Variants in USP2 observed in about 807,000 individuals in gnomAD.
USP2 encodes the protein ubiquitin specific peptidase 2.
Under a neutral mutation model 72.0 loss-of-function variants are expected in USP2, and 33 were observed. The ratio of observed to expected loss-of-function variants is 0.46; its 90% CI spans 0.35 to 0.61. The LOEUF is 0.61. Among genes scored for constraint, USP2 ranks in the 20% least tolerant of loss-of-function variants. The pLI is 0.01. For missense variants in USP2, 691 were observed against 797.8 expected (o/e 0.87, Z 1.61); for synonymous variants, 296 against 312.5 (o/e 0.95, Z 0.56).
intron 2 of USP2, chr11:119,364,271 C>A (rs994340989): frequency 2.4e-6 from 2 of 816,348 alleles, no homozygotes; most frequent in African/African-American, 3.7e-5. Context: ...AGGCCCTAAG[C>A]CCCGCCCCAC....
intron 12 of USP2, 104 bp downstream of exon 12, chr11:119,357,083 G>A (rs1193091895): frequency 8.5e-7 from 1 of 1,173,308 alleles, no homozygotes; most frequent in African/African-American, 1.7e-5. Context: ...CTCGGTGTAA[G>A]CCGTGCGGGG....
chr11:119,377,682 C>T (rs1164570882), intron 1 of USP2, among the ~76,000 whole-genome samples: 1 of 152,170 alleles, frequency 6.6e-6, no homozygotes, highest in East Asian at 1.9e-4. Context: ...TTGGCCCACT[C>T]CTCAAGGTAC....
In USP2 at chr11:119,357,285, G is replaced by A. The variant is rs781613385; in HGVS notation, c.1632C>T (p.Tyr544=). 119 of 1,613,348 alleles carry A rather than the reference G, an allele frequency of 7.4e-5. 1 individual carries two copies. Among genetic ancestry groups the A allele is most frequent in the Non-Finnish European group, 9.2e-5 (109 of 1,179,902 alleles). Residue 544 remains tyrosine, a synonymous_variant, in exon 12 of 13, where the codon TAC becomes TAT. Transcript: ENST00000260187. ...TGGTTCCGGAGTGATTGGACACAGCGTACAGGTTGTAAACAGCATGGTCTG... is the reference window on the plus strand; with the variant it reads ...TGGTTCCGGAGTGATTGGACACAGCATACAGGTTGTAAACAGCATGGTCTG... The part of the protein sequence containing the change: ...ENTNHAVYNL[Y]AVSNHSGTTM...
At chr11:119,372,315 C>T (rs1950937708) in intron 2 of USP2, among the ~76,000 whole-genome samples, 1 of 152,228 alleles carries the variant, frequency 6.6e-6, no homozygotes, top group Non-Finnish European at 1.5e-5. Flanking sequence ...AGCAAGGAGG[C>T]CCTCCTGCCA....
chr11:119,361,696 TCC>T (rs967363829), intron 2 of USP2, among the ~76,000 whole-genome samples: 7 of 151,958 alleles, frequency 4.6e-5, no homozygotes, highest in Admixed American at 2.6e-4. Context: ...AGTAAGAGGA[TCC>T]CTTCTTGGCC....
chr11:119,357,362 C>G (rs971460534), intron 11 of USP2, 55 bp from the exon 12 acceptor site: 185 of 1,610,518 alleles, frequency 1.1e-4, no homozygotes, highest in Non-Finnish European at 1.5e-4. Context: ...GACTTCCCCC[C>G]TCCAACCTCT....
Position 119,360,190 on chromosome 11 carries a change from C to G in USP2, c.819G>C (p.Gly273=). ...AQGLAGLRNL[G]NTCFMNSILQ... is the part of the protein sequence containing the mutation. ...CAGGCCAGGAAAAACTCACCGTGTT[C>G]CCAAGGTTTCGAAGACCAGCCAGAC... The change falls in exon 3 of 13, where the codon GGG becomes GGC. Residue 273 remains glycine, a synonymous_variant. Coordinates refer to ENST00000260187, the MANE Select transcript of USP2 (RefSeq NM_004205.5). 6.2e-7 allele frequency: 1 copy of G among 1,613,710 alleles called. No individual in the cohort carries two copies. The highest frequency in any genetic ancestry group is 8.5e-7 in the Non-Finnish European group (1 of 1,179,940).
rs532485657 is a variant in USP2, at chr11:119,364,234, C to T, written c.775-4000G>A. 8.2e-4 allele frequency: 888 copies of T among 1,077,098 alleles called. 2 individuals are homozygous for T. The African/African-American group carries it at 0.012, about 15-fold the overall frequency. 66.7% of individuals were successfully genotyped at this position (1,077,098 alleles called of 1,614,324 possible). On this transcript the variant is annotated intron_variant, in intron 2 of 12. Transcript: ENST00000260187. ...GGCGGCCCCGCCGGCGCCTCGGGCC[C>T]CGCGACGTCAGCGCTGGGGCGGGGC...
intron 1 of USP2, among the ~76,000 whole-genome samples, chr11:119,379,960 G>C (rs1452055508): frequency 8.4e-6 from 1 of 119,378 alleles, no homozygotes; most frequent in East Asian, 2.6e-4. Context: ...CGTCGCCCAG[G>C]CTGCAGTGCA....
At chr11:119,364,773 A>C (rs1950829228) in intron 2 of USP2, among the ~76,000 whole-genome samples, 1 of 152,192 alleles carries the variant, frequency 6.6e-6, no homozygotes, top group African/African-American at 2.4e-5. Context: ...TGCCCTCCTC[A>C]AAACAGTCCT....
intron 2 of USP2, chr11:119,364,043 G>A: frequency 8.0e-7 from 1 of 1,257,150 alleles, no homozygotes; most frequent in Non-Finnish European, 1.0e-6. Flanking sequence ...CGTTGGCAGC[G>A]GGGGCGCGGG....
At chr11:119,370,080 C>A (rs985237695) in intron 2 of USP2, among the ~76,000 whole-genome samples, 1 of 152,138 alleles carries the variant, frequency 6.6e-6, no homozygotes, top group Non-Finnish European at 1.5e-5. Context: ...GAGGCTGACA[C>A]AGGAGAATCA....
At position 119,365,786 on chromosome 11, in the gene USP2, A is replaced by G. The variant is rs78379608; in HGVS notation, c.775-5552T>C. 9.5e-3 allele frequency among the ~76,000 whole-genome samples: 1,447 copies of G among 152,298 alleles called. 20 individuals are homozygous for G. Among genetic ancestry groups the G allele is most frequent in the African/African-American group, 0.032 (1,323 of 41,542 alleles). On this transcript the variant is annotated intron_variant, in intron 2 of 12. Coordinates refer to ENST00000260187, the MANE Select transcript of USP2 (RefSeq NM_004205.5). ...TGCTGAAAAACCAAAACTGCCACTC[A>G]TTAAGTACTTATTAGATCCCAGGCA...
At chr11:119,362,520 G>T (rs1950779671) in intron 2 of USP2, among the ~76,000 whole-genome samples, 1 of 151,852 alleles carries the variant, frequency 6.6e-6, no homozygotes, top group Non-Finnish European at 1.5e-5. Flanking sequence ...AACAGGAGTG[G>T]GGGCGACAGA....
rs1230652067 is a variant in USP2, at chr11:119,373,236, C to G, written c.245G>C (p.Arg82Thr). 6.2e-7 allele frequency: 1 copy of G among 1,613,988 alleles called. No individual in the cohort carries two copies. The highest frequency in any genetic ancestry group is 8.5e-7 in the Non-Finnish European group (1 of 1,179,924). The change falls in exon 2 of 13, where the codon AGA (arginine) becomes ACA (threonine). Residue 82 changes from arginine to threonine, a missense_variant. Arg to Thr is a moderately conservative substitution (Grantham distance 71, BLOSUM62 -1). Transcript: ENST00000260187. ...CTTACCACCCCCAGTGATGTCGGGTCTCAGCAGGGGGCGGCCCCGGTCATA... is the reference window on the plus strand; with the variant it reads ...CTTACCACCCCCAGTGATGTCGGGTGTCAGCAGGGGGCGGCCCCGGTCATA... Reference protein sequence around the residue: ...LDYDRGRPLLRPDITGGGKRA... With the variant: ...LDYDRGRPLLTPDITGGGKRA...
At position 119,372,792 on chromosome 11, in the gene USP2, G is replaced by A. The variant is rs35224356; in HGVS notation, c.689C>T (p.Pro230Leu). The change falls in exon 2 of 13, where the codon CCC (proline) becomes CTC (leucine). Residue 230 changes from proline to leucine, a missense_variant. Coordinates refer to ENST00000260187, the MANE Select transcript of USP2 (RefSeq NM_004205.5). Reference sequence around the variant, plus strand: ...CTCCCACAGCGTGTAGCGGCCAATGGGTCGGTAGGTTGGGCTGATGATTTC... The same window carrying A: ...CTCCCACAGCGTGTAGCGGCCAATGAGTCGGTAGGTTGGGCTGATGATTTC... ...VPEIISPTYRPIGRYTLWETG... is the reference protein window; with the variant it reads ...VPEIISPTYRLIGRYTLWETG... 7.5e-4 allele frequency: 1,201 copies of A among 1,599,712 alleles called. 7 individuals are homozygous for A. The African/African-American group carries it at 0.013, about 18-fold the overall frequency.
chr11:119,357,242 T>C lies in USP2; in HGVS notation c.1675A>G (p.Thr559Ala), dbSNP rs528239016. 21 of 1,613,300 alleles carry C rather than the reference T, an allele frequency of 1.3e-5. No homozygotes were observed. In the East Asian group the frequency reaches 4.2e-4, roughly 33 times the overall value. ...HSGTTMGGHY[T>A]AYCRSPGTGE... Reference sequence around the variant, plus strand: ...GTCCCTGGACTGCGACAGTAGGCTGTATAGTGGCCACCCATGGTGGTTCCG... The same window carrying C: ...GTCCCTGGACTGCGACAGTAGGCTGCATAGTGGCCACCCATGGTGGTTCCG... Residue 559 changes from threonine to alanine, a missense_variant, in exon 12 of 13, where the codon ACA becomes GCA. Transcript: ENST00000260187.
chr11:119,355,971 G>A lies in USP2; in HGVS notation c.*864C>T, dbSNP rs920124373. ...GGGAAGAGGCTGAGGGATATTTCAG[G>A]AGGGGCAGTTACCCCCTGGTCCCCA... On this transcript the variant is annotated 3_prime_UTR_variant, in exon 13 of 13. Coordinates refer to ENST00000260187, the MANE Select transcript of USP2 (RefSeq NM_004205.5). 6.6e-6 allele frequency: 1 copy of A among 151,636 alleles called. No homozygotes were observed. The highest frequency in any genetic ancestry group is 1.5e-5 in the Non-Finnish European group (1 of 67,968). The allele number at this position is 151,636 out of a possible 1,614,324, so 9.4% of individuals were successfully genotyped here.
At chr11:119,378,074 G>A (rs775381605) in intron 1 of USP2, among the ~76,000 whole-genome samples, 1 of 152,086 alleles carries the variant, frequency 6.6e-6, no homozygotes, top group African/African-American at 2.4e-5. Context: ...AGCCAGTCCC[G>A]CCAGGTGGTT....
Sources: allele counts gnomAD v4.1 joint callset (sites outside exome capture counted in the v4.1 genomes callset), GRCh38; gene constraint gnomAD v4.1.1; transcripts MANE v1.5; gene names NCBI Gene and HGNC (gene_info 2026-07-23, HGNC 2026-07-21).